The following CWC27 variants were observed in gnomAD, a reference collection of about 807,000 sequenced individuals.
CWC27 encodes the protein spliceosome-associated protein CWC27 homolog.
Under a neutral mutation model 63.6 loss-of-function variants are expected in CWC27, and 47 were observed. The observed-to-expected ratio is 0.74, with a 90% CI of 0.58 to 0.94. The LOEUF (loss-of-function observed/expected upper bound fraction) is 0.94. Ranked by LOEUF, CWC27 falls within the 40% of genes least tolerant of loss-of-function variation. The pLI is 0.00. For synonymous variants in CWC27, 175 were observed against 179.8 expected, an observed-to-expected ratio of 0.97 and a Z score of 0.22; for missense variants, 495 against 554.3, an observed-to-expected ratio of 0.89 and a Z score of 1.07.
In CWC27 at chr5:64,786,587, C is replaced by T. The variant is rs1434281558; in HGVS notation, c.559C>T (p.Pro187Ser). 3 of 1,585,862 alleles carry T rather than the reference C, an allele frequency of 1.9e-6. No homozygotes were observed. The highest frequency in any genetic ancestry group is 2.6e-6 in the Non-Finnish European group (3 of 1,167,588). ...REIKRLKKEKPEEEVKKLKPK... is the reference protein window; with the variant it reads ...REIKRLKKEKSEEEVKKLKPK... ...AATTAAAAGGCTGAAAAAAGAGAAA[C>T]CAGAGGAGGAAGTAAAGAAATTGAA... Residue 187 changes from proline (P) to serine (S), a missense_variant, in exon 6 of 14, where the codon CCA becomes TCA. Physicochemically the swap from Pro to Ser is moderately conservative, Grantham distance 74. This residue lies in a region of CWC27 where 463 missense variants were observed against 498.1 expected (regional missense o/e 0.93). Transcript: ENST00000381070.
chr5:64,874,363 T>C (rs1468610170), intron 10 of CWC27, among the ~76,000 whole-genome samples: 2 of 151,770 alleles, frequency 1.3e-5, no homozygotes, highest in African/African-American at 4.8e-5. Context: ...GGCTTCACCA[T>C]GTTGGACAGG....
Position 64,876,029 on chromosome 5 carries a change from G to A in CWC27, c.939-9414G>A, listed in dbSNP as rs372919634. ...GAGGCTTACATTGGTTAACTTAGTT[G>A]TCCAATGCGGTACTGCTAGTAATAG... is the stretch of plus-strand genomic sequence containing the variant. On this transcript the variant is annotated intron_variant, in intron 10 of 13. Transcript: ENST00000381070. Among the ~76,000 whole-genome samples the A allele has an allele frequency of 5.9e-5, 9 of 152,170 alleles. No individual in the cohort carries two copies. In the East Asian group the frequency reaches 1.3e-3, roughly 23 times the overall value.
intron 10 of CWC27, among the ~76,000 whole-genome samples, chr5:64,884,609 A>G (rs1259025749): frequency 6.6e-6 from 1 of 152,184 alleles, no homozygotes; most frequent in East Asian, 1.9e-4. Flanking sequence ...TTGAATTTCC[A>G]TGATTCACTC....
At chr5:64,811,884 A>G (rs1003905444) in intron 10 of CWC27, among the ~76,000 whole-genome samples, 2 of 152,064 alleles carry the variant, frequency 1.3e-5, no homozygotes, top group African/African-American at 4.8e-5. Flanking sequence ...CATACCTTCT[A>G]AGGTCTGGAT....
chr5:64,823,147 G>A (rs10043634), intron 10 of CWC27, among the ~76,000 whole-genome samples: 140,147 of 152,204 alleles, frequency 0.92, 64,541 homozygotes, highest in East Asian at 0.99. Context: ...CTATTTCAGT[G>A]GTGTTTTGAT....
At position 64,781,072 on chromosome 5, in the gene CWC27, CAA is replaced by C. The variant is rs769274701; in HGVS notation, c.140-848_140-847del. On this transcript the variant is annotated intron_variant, in intron 2 of 13. Coordinates refer to ENST00000381070, the MANE Select transcript of CWC27 (RefSeq NM_005869.4). Reference sequence around the variant, plus strand: ...TGAGATGCCATGCTTCTGCCATTCCCAAGTTAACTTCCTTTTCTTCTATGAAG... The same window carrying C: ...TGAGATGCCATGCTTCTGCCATTCCCGTTAACTTCCTTTTCTTCTATGAAG... Among the ~76,000 whole-genome samples the C allele has an allele frequency of 2.8e-4, 43 of 152,238 alleles. 1 individual carries two copies. Among genetic ancestry groups the C allele is most frequent in the Admixed American group, 1.0e-3 (16 of 15,278 alleles).
chr5:64,869,855 T>C (rs865870249), intron 10 of CWC27, among the ~76,000 whole-genome samples: 1 of 151,372 alleles, frequency 6.6e-6, no homozygotes, highest in Middle Eastern at 3.4e-3. Context: ...CAGTTTGGGA[T>C]TTTTTTTTCC....
At chr5:64,823,061 AATGAGATCTGAGTAAAC>A (rs1030662863) in intron 10 of CWC27, among the ~76,000 whole-genome samples, 70 of 152,324 alleles carry the variant, frequency 4.6e-4, no homozygotes, top group African/African-American at 1.7e-3. Flanking sequence ...GTTTGCTAGA[AATGAGATCTGAGTAAAC>A]CAATTTTTCT....
At position 64,990,517 on chromosome 5, in the gene CWC27, G is replaced by A. The variant is rs1749520601; in HGVS notation, c.1256+13279G>A. Among the ~76,000 whole-genome samples the A allele has an allele frequency of 8.6e-5, 4 of 46,748 alleles. No homozygotes were observed. The South Asian group carries it at 2.2e-3, about 25-fold the overall frequency. 30.7% of individuals were successfully genotyped at this position (46,748 alleles called of 152,430 possible). ...CCTGACCTCGTGATCTGCCCGCCTC[G>A]GCCTCCCAAAGTGCTGGGATTACAG... On this transcript the variant is annotated intron_variant, in intron 13 of 13. Coordinates refer to ENST00000381070, the MANE Select transcript of CWC27 (RefSeq NM_005869.4).
intron 13 of CWC27, among the ~76,000 whole-genome samples, chr5:64,986,479 T>C (rs185613636): frequency 3.9e-5 from 6 of 152,350 alleles, no homozygotes; most frequent in African/African-American, 1.4e-4. Flanking sequence ...TTGAAAGATA[T>C]TGGTTTGTGG....
intron 11 of CWC27, among the ~76,000 whole-genome samples, chr5:64,924,939 CCTCT>C (rs1580729802): frequency 6.8e-6 from 1 of 147,192 alleles, no homozygotes; most frequent in Non-Finnish European, 1.5e-5. Flanking sequence ...GTACTCTTTC[CCTCT>C]CTGTCTTTCT....
chr5:64,946,690 G>A (rs1433600), intron 11 of CWC27, among the ~76,000 whole-genome samples: 144,161 of 152,168 alleles, frequency 0.95, 68,347 homozygotes, highest in East Asian at 1. Flanking sequence ...CCATTTACCC[G>A]TATTAGCTTT....
Position 64,894,441 on chromosome 5 carries a change from T to G in CWC27, c.1042+8895T>G, listed in dbSNP as rs80167544. 1.2e-3 allele frequency among the ~76,000 whole-genome samples: 176 copies of G among 152,292 alleles called. 1 individual carries two copies. The East Asian group carries it at 0.033, about 28-fold the overall frequency. ...TATTAAAATCTACTTTGGTTTTGGCTAGACTAATTGTTTCTAAAACCCCCC... is the reference window on the plus strand; with the variant it reads ...TATTAAAATCTACTTTGGTTTTGGCGAGACTAATTGTTTCTAAAACCCCCC... On this transcript the variant is annotated intron_variant, in intron 11 of 13. Transcript: ENST00000381070.
chr5:64,953,344 TAG>T (rs1158647006), intron 11 of CWC27, among the ~76,000 whole-genome samples: 1 of 152,138 alleles, frequency 6.6e-6, no homozygotes, highest in Non-Finnish European at 1.5e-5. Flanking sequence ...TATCAGAAAG[TAG>T]AGACAAAGCA....
rs143055779 is a variant in CWC27, at chr5:64,885,698, GGTGTGTGTGTGT to G, written c.1042+181_1042+192del. Reference sequence around the variant, plus strand: ...TTTCTTTCCCTCCCTCTTGAGTTAGGGTGTGTGTGTGTGTGTGTGTGTGTGTGTGTGTGTGTG... The same window carrying G: ...TTTCTTTCCCTCCCTCTTGAGTTAGGGTGTGTGTGTGTGTGTGTGTGTGTG... On this transcript the variant is annotated intron_variant, in intron 11 of 13. Coordinates refer to ENST00000381070, the MANE Select transcript of CWC27 (RefSeq NM_005869.4). 109 of 261,526 alleles carry G rather than the reference GGTGTGTGTGTGT, an allele frequency of 4.2e-4. 3 individuals carry two copies. The highest frequency in any genetic ancestry group is 2.5e-3 in the African/African-American group (87 of 35,240). 16.2% of individuals were successfully genotyped at this position (261,526 alleles called of 1,614,324 possible). A position where few individuals can be genotyped will look rare whatever the true frequency, so the allele number is the denominator to read the frequency against.
At chr5:64,913,284 C>T (rs749517958) in intron 11 of CWC27, among the ~76,000 whole-genome samples, 2 of 152,022 alleles carry the variant, frequency 1.3e-5, no homozygotes, top group African/African-American at 2.4e-5. Flanking sequence ...AAGTATTATA[C>T]TTAATGGTGT....
chr5:64,769,800 C>T (rs184608830), intron 1 of CWC27, among the ~76,000 whole-genome samples: 6 of 152,236 alleles, frequency 3.9e-5, no homozygotes, highest in Admixed American at 2.0e-4. Flanking sequence ...GGTTTTAAAA[C>T]CTGAGATGAC....
chr5:64,836,582 A>C (rs1054915921), intron 10 of CWC27, among the ~76,000 whole-genome samples: 1 of 151,952 alleles, frequency 6.6e-6, no homozygotes, highest in Non-Finnish European at 1.5e-5. Context: ...TCATTTTCCT[A>C]CTTTTAGTAT....
Position 64,769,081 on chromosome 5 carries a change from C to A in CWC27, c.-66C>A. 2.2e-6 allele frequency: 3 copies of A among 1,361,506 alleles called. No homozygotes were observed. Among genetic ancestry groups the A allele is most frequent in the South Asian group, 1.2e-5 (1 of 85,572 alleles). 84.3% of individuals were successfully genotyped at this position (1,361,506 alleles called of 1,614,324 possible). ...AAGGAAGAGTGTACTCGTAGGCGGA[C>A]AGCTTTAGTGGCCGGCCGGCCGCTC... is the stretch of plus-strand genomic sequence containing the variant. On this transcript the variant is annotated 5_prime_UTR_variant, in exon 1 of 14. Transcript: ENST00000381070.
Sources: gnomAD v4.1 joint callset for allele counts (sites outside exome capture counted in the v4.1 genomes callset) on GRCh38, gnomAD v4.1.1 for gene constraint, gnomAD v4.1.1 regional missense constraint, MANE v1.5 for transcripts, NCBI Gene and HGNC (gene_info 2026-07-23, HGNC 2026-07-21) for gene names.